Variants in ZFPM2 observed in about 807,000 individuals in gnomAD.
The protein encoded by ZFPM2 is zinc finger protein ZFPM2.
In ZFPM2, 20 loss-of-function variants were observed where a neutral mutation model predicts 98.6. That is an observed-to-expected ratio of 0.20 (90% CI 0.14 to 0.29). The LOEUF (loss-of-function observed/expected upper bound fraction) is 0.29, where lower values mean the gene tolerates loss of function less well. ZFPM2 is among the 10% of genes least tolerant of loss of function. ZFPM2 has a pLI of 1.00. For synonymous variants in ZFPM2, 518 were observed against 502.7 expected, an observed-to-expected ratio of 1.03 and a Z score of -0.41; for missense variants, 1,310 against 1,388.6, an observed-to-expected ratio of 0.94 and a Z score of 0.90.
chr8:105,634,300 G>A lies in ZFPM2; in HGVS notation c.475G>A (p.Asp159Asn). The stretch of plus-strand genomic sequence containing the variant: ...GACTGCTGGTCCCAAGTGGTTGCTG[G>A]ATGTGACTTGGCAAGGAGTGGAAGA... ...VLTAGPKWLLDVTWQGVEDNK... is the reference protein window; with the variant it reads ...VLTAGPKWLLNVTWQGVEDNK... The change falls in exon 5 of 8, where the codon GAT becomes AAT. Residue 159 changes from aspartate (D) to asparagine (N), a missense_variant. Asp to Asn is a conservative substitution (Grantham distance 23). Coordinates refer to ENST00000407775, the MANE Select transcript of ZFPM2 (RefSeq NM_012082.4). 2 of 1,613,164 alleles carry A rather than the reference G, an allele frequency of 1.2e-6. No individual in the cohort carries two copies. The highest frequency in any genetic ancestry group is 2.2e-5 in the East Asian group (1 of 44,836).
chr8:105,545,872 T>C (rs922763916), intron 3 of ZFPM2, among the ~76,000 whole-genome samples: 1 of 152,202 alleles, frequency 6.6e-6, no homozygotes, highest in African/African-American at 2.4e-5. Context: ...AGTGCATTCC[T>C]TATTTTCTCC....
intron 5 of ZFPM2, among the ~76,000 whole-genome samples, chr8:105,784,490 AAGAAATG>A (rs1490540054): frequency 6.8e-6 from 1 of 146,094 alleles, no homozygotes; most frequent in Non-Finnish European, 1.5e-5. Flanking sequence ...GCAGGGCAGT[AAGAAATG>A]AGAAATGAGA....
At chr8:105,552,283 T>C (rs1375956) in intron 3 of ZFPM2, among the ~76,000 whole-genome samples, 103,345 of 151,962 alleles carry the variant, frequency 0.68, 36,765 homozygotes, top group African/African-American at 0.92. Context: ...TGCTGCACAT[T>C]CCACTGCTGT....
At chr8:105,326,833 A>G (rs1812124174) in intron 1 of ZFPM2, among the ~76,000 whole-genome samples, 1 of 149,732 alleles carries the variant, frequency 6.7e-6, no homozygotes, top group South Asian at 2.1e-4. Context: ...GATTTATCAT[A>G]AACAACTCAT....
At chr8:105,672,568 G>T (rs1817615813) in intron 5 of ZFPM2, among the ~76,000 whole-genome samples, 1 of 151,946 alleles carries the variant, frequency 6.6e-6, no homozygotes, top group Admixed American at 6.6e-5. Flanking sequence ...AATCTGATAT[G>T]AATATTTAAT....
At chr8:105,432,613 T>C (rs1812042793) in intron 2 of ZFPM2, among the ~76,000 whole-genome samples, 1 of 152,182 alleles carries the variant, frequency 6.6e-6, no homozygotes, top group Non-Finnish European at 1.5e-5. Context: ...GTACAGAATA[T>C]CCTCATTTAG....
chr8:105,682,651 T>A (rs1810635966), intron 5 of ZFPM2, among the ~76,000 whole-genome samples: 1 of 152,124 alleles, frequency 6.6e-6, no homozygotes, highest in African/African-American at 2.4e-5. Flanking sequence ...AGAAAATTAC[T>A]ACAATAACCC....
chr8:105,647,349 T>A (rs977144115), intron 5 of ZFPM2, among the ~76,000 whole-genome samples: 6 of 152,248 alleles, frequency 3.9e-5, no homozygotes, highest in South Asian at 2.1e-4. Flanking sequence ...ATCATTCACT[T>A]CCTTAGTAGG....
chr8:105,532,114 C>A (rs1814309079), intron 3 of ZFPM2, among the ~76,000 whole-genome samples: 1 of 152,052 alleles, frequency 6.6e-6, no homozygotes, highest in Admixed American at 6.6e-5. Flanking sequence ...GTTGCCCAGG[C>A]TTGTCTTAAA....
At chr8:105,486,570 C>T in intron 3 of ZFPM2, among the ~76,000 whole-genome samples, 1 of 152,156 alleles carries the variant, frequency 6.6e-6, no homozygotes, top group East Asian at 1.9e-4. Flanking sequence ...GCTTTTTAGA[C>T]TCACTTCGGG....
intron 2 of ZFPM2, among the ~76,000 whole-genome samples, chr8:105,428,722 C>T (rs747691606): frequency 2.2e-4 from 34 of 152,018 alleles, no homozygotes; most frequent in East Asian, 1.9e-4. Context: ...AAATAAAAAA[C>T]GAAGAAAGGA....
intron 5 of ZFPM2, among the ~76,000 whole-genome samples, chr8:105,711,704 T>C (rs10955402): frequency 0.097 from 14,702 of 151,968 alleles, 2,353 homozygotes; most frequent in African/African-American, 0.33. Flanking sequence ...TGTTTCTGAA[T>C]ATCTCCTCCA....
At chr8:105,692,173 T>C (rs368180738) in intron 5 of ZFPM2, among the ~76,000 whole-genome samples, 1 of 152,220 alleles carries the variant, frequency 6.6e-6, no homozygotes, top group African/African-American at 2.4e-5. Flanking sequence ...GGTGACTAAG[T>C]CCTTGAAAAA....
At chr8:105,682,995 A>C (rs1810643909) in intron 5 of ZFPM2, among the ~76,000 whole-genome samples, 1 of 152,090 alleles carries the variant, frequency 6.6e-6, no homozygotes. Context: ...TCCAAGATCA[A>C]GATGTTGTCT....
chr8:105,403,095 T>G (rs772884736), intron 1 of ZFPM2, among the ~76,000 whole-genome samples: 3 of 152,084 alleles, frequency 2.0e-5, no homozygotes, highest in Non-Finnish European at 4.4e-5. Context: ...TTCTTTACTC[T>G]TGCTATTCAA....
chr8:105,351,664 T>C (rs1421001710), intron 1 of ZFPM2, among the ~76,000 whole-genome samples: 1 of 152,198 alleles, frequency 6.6e-6, no homozygotes, highest in Non-Finnish European at 1.5e-5. Context: ...TGACTAAATT[T>C]GGTTTACAGA....
intron 1 of ZFPM2, 49 bp downstream of exon 1, chr8:105,319,030 C>G: frequency 6.8e-7 from 1 of 1,466,382 alleles, no homozygotes; most frequent in South Asian, 1.3e-5. Flanking sequence ...TGCCCAGGAG[C>G]GGGGTGCGCG....
At chr8:105,597,345 A>G (rs375550547) in intron 4 of ZFPM2, among the ~76,000 whole-genome samples, 3 of 152,144 alleles carry the variant, frequency 2.0e-5, no homozygotes, top group East Asian at 3.9e-4. Flanking sequence ...GACTATTTCT[A>G]CTTATTTAAA....
chr8:105,659,245 T>C (rs1437813163), intron 5 of ZFPM2, among the ~76,000 whole-genome samples: 4 of 151,964 alleles, frequency 2.6e-5, no homozygotes, highest in Admixed American at 1.3e-4. Context: ...ATGGCTGATA[T>C]GTTAAAAAGA....
Sources: gnomAD v4.1 joint callset for allele counts (sites outside exome capture counted in the v4.1 genomes callset) on GRCh38, gnomAD v4.1.1 for gene constraint, MANE v1.5 for transcripts, NCBI Gene and HGNC (gene_info 2026-07-23, HGNC 2026-07-21) for gene names.